ZNF654: variants seen among roughly 807,000 people sequenced by gnomAD.
ZNF654 encodes melanoma-associated antigen.
Under a neutral mutation model 95.3 loss-of-function variants are expected in ZNF654, and 19 were observed. The ratio of observed to expected loss-of-function variants is 0.20; its 90% CI spans 0.14 to 0.29. ZNF654 has a LOEUF of 0.29. ZNF654 is among the 10% of genes least tolerant of loss of function. The pLI, the probability that ZNF654 is intolerant of heterozygous loss-of-function variation, is 1.00. For synonymous variants in ZNF654, 413 were observed against 457.9 expected (o/e 0.90, Z 1.25); for missense variants, 1,046 against 1,341.0 (o/e 0.78, Z 3.44).
intron 2 of ZNF654, among the ~76,000 whole-genome samples, chr3:88,106,929 G>T (rs1251779248): frequency 2.6e-5 from 4 of 152,080 alleles, no homozygotes; most frequent in Non-Finnish European, 4.4e-5. Flanking sequence ...ACATACTATT[G>T]TGGTCTCTTT....
Position 88,135,126 on chromosome 3 carries a change from A to C in ZNF654, c.959A>C (p.Asp320Ala), listed in dbSNP as rs1178173566. Residue 320 changes from aspartate (D) to alanine (A), a missense_variant, in exon 7 of 9, where the codon GAT (aspartate) becomes GCT (alanine). Physicochemically the swap from Asp to Ala is moderately radical, Grantham distance 126. Around this residue, in one of 9 missense-constraint regions of ZNF654, gnomAD observed 121 missense variants for 141.7 expected, o/e 0.85. Coordinates refer to ENST00000636215, the MANE Select transcript of ZNF654 (RefSeq NM_001350134.2). Reference protein sequence around the residue: ...KSNPSKQVFVDQCYQLLRTAT... With the variant: ...KSNPSKQVFVAQCYQLLRTAT... ...AATCCTTCAAAACAAGTTTTTGTAGATCAATGCTACCAGCTTTTAAGAACA... is the reference window on the plus strand; with the variant it reads ...AATCCTTCAAAACAAGTTTTTGTAGCTCAATGCTACCAGCTTTTAAGAACA... 6.7e-7 allele frequency: 1 copy of C among 1,487,192 alleles called. No individual in the cohort carries two copies. The highest frequency in any genetic ancestry group is 8.9e-7 in the Non-Finnish European group (1 of 1,125,454). The allele number at this position is 1,487,192 out of a possible 1,614,324, so 92.1% of individuals were successfully genotyped here. A position where few individuals can be genotyped will look rare whatever the true frequency, so the allele number is the denominator to read the frequency against.
chr3:88,125,944 A>G (rs1451148778), intron 3 of ZNF654, among the ~76,000 whole-genome samples, 190 bp from the exon 4 acceptor site: 1 of 151,836 alleles, frequency 6.6e-6, no homozygotes, highest in Non-Finnish European at 1.5e-5. Context: ...CTGCTGTATA[A>G]CCTTTGGCAT....
chr3:88,135,071 T>G lies in ZNF654; in HGVS notation c.904T>G (p.Phe302Val), dbSNP rs1258548675. 7.0e-7 allele frequency: 1 copy of G among 1,425,540 alleles called. No homozygotes were observed. Among genetic ancestry groups the G allele is most frequent in the Admixed American group, 3.2e-5 (1 of 31,090 alleles). The allele number at this position is 1,425,540 out of a possible 1,614,324, so 88.3% of individuals were successfully genotyped here. The change falls in exon 7 of 9, where the codon TTC becomes GTC. Residue 302 changes from phenylalanine (F) to valine (V), a missense_variant. Phe to Val is a conservative substitution (Grantham distance 50). Transcript: ENST00000636215. Reference sequence around the variant, plus strand: ...TTTTCTCATTTACAGGGAGTTGATTTTCATATGGAGTAAACTACAGCTTAA... The same window carrying G: ...TTTTCTCATTTACAGGGAGTTGATTGTCATATGGAGTAAACTACAGCTTAA... Reference protein sequence around the residue: ...GDMYCIWELIFIWSKLQLKSN... With the variant: ...GDMYCIWELIVIWSKLQLKSN...
intron 1 of ZNF654, among the ~76,000 whole-genome samples, chr3:88,070,243 C>T (rs1441601727): frequency 6.6e-6 from 1 of 152,060 alleles, no homozygotes; most frequent in Non-Finnish European, 1.5e-5. Context: ...TTCTTCATAA[C>T]ATTAATTATA....
At position 88,059,287 on chromosome 3, in the gene ZNF654, AG is replaced by A. The variant is rs1559680919; in HGVS notation, c.-29del. 1 of 1,531,484 alleles carries A rather than the reference AG, an allele frequency of 6.5e-7. No individual in the cohort carries two copies. The allele number at this position is 1,531,484 out of a possible 1,614,324, so 94.9% of individuals were successfully genotyped here. On this transcript the variant is annotated 5_prime_UTR_variant, in exon 1 of 9. Transcript: ENST00000636215. The stretch of plus-strand genomic sequence containing the variant: ...GCATCTACGGCGGCGGCGGCGGCGC[AG>A]GGGCTGGTACGCGCTGGGCGGCGAG...
intron 1 of ZNF654, among the ~76,000 whole-genome samples, chr3:88,085,872 A>G (rs560416809): frequency 6.6e-6 from 1 of 152,318 alleles, no homozygotes; most frequent in East Asian, 1.9e-4. Flanking sequence ...ATAAATAATA[A>G]TGATAATAAT....
intron 2 of ZNF654, among the ~76,000 whole-genome samples, chr3:88,094,477 C>T (rs1457445979): frequency 6.6e-6 from 1 of 151,968 alleles, no homozygotes; most frequent in East Asian, 1.9e-4. Context: ...CCTGTTCCCA[C>T]CTACATTAGT....
chr3:88,096,205 G>A (rs1704048327), intron 2 of ZNF654, among the ~76,000 whole-genome samples: 1 of 152,012 alleles, frequency 6.6e-6, no homozygotes, highest in African/African-American at 2.4e-5. Context: ...TTTTAAAGGT[G>A]TTAGATGATC....
chr3:88,067,575 T>C (rs1707271662), intron 1 of ZNF654, among the ~76,000 whole-genome samples: 2 of 152,188 alleles, frequency 1.3e-5, no homozygotes, highest in African/African-American at 4.8e-5. Flanking sequence ...TTGAGAAGGA[T>C]TAAAGAGGTT....
chr3:88,106,831 G>C (rs1225134504), intron 2 of ZNF654, among the ~76,000 whole-genome samples: 1 of 151,964 alleles, frequency 6.6e-6, no homozygotes, highest in African/African-American at 2.4e-5. Flanking sequence ...TATTTGTCCT[G>C]TATAATTTTT....
intron 2 of ZNF654, chr3:88,095,474 C>G (rs1486940786): frequency 7.4e-6 from 3 of 405,002 alleles, no homozygotes; most frequent in East Asian, 7.7e-5. Context: ...ACATCAGTCT[C>G]TCTTCATAAA....
chr3:88,069,090 A>T (rs1040253568), intron 1 of ZNF654, among the ~76,000 whole-genome samples: 1 of 152,200 alleles, frequency 6.6e-6, no homozygotes, highest in African/African-American at 2.4e-5. Flanking sequence ...AAACAGAAGA[A>T]AAAAATCAAA....
At chr3:88,083,178 C>A (rs922674574) in intron 1 of ZNF654, among the ~76,000 whole-genome samples, 3 of 152,146 alleles carry the variant, frequency 2.0e-5, no homozygotes, top group Non-Finnish European at 2.9e-5. Flanking sequence ...CAAATACAGT[C>A]CCATCGGGGG....
chr3:88,090,189 G>A (rs896996181), intron 2 of ZNF654, among the ~76,000 whole-genome samples: 1 of 152,080 alleles, frequency 6.6e-6, no homozygotes, highest in South Asian at 2.1e-4. Flanking sequence ...CCACAGGCAG[G>A]TTCTTCTGAA....
At chr3:88,134,604 T>A (rs553490335) in intron 6 of ZNF654, among the ~76,000 whole-genome samples, 14 of 152,162 alleles carry the variant, frequency 9.2e-5, no homozygotes, top group Non-Finnish European at 2.1e-4. Flanking sequence ...ATCAATACTA[T>A]ACTTACAGTT....
chr3:88,126,806 A>G (rs1193781762), intron 4 of ZNF654, among the ~76,000 whole-genome samples: 1 of 152,242 alleles, frequency 6.6e-6, no homozygotes, highest in Non-Finnish European at 1.5e-5. Flanking sequence ...GTGTGAGTGA[A>G]TAAGTGACTA....
intron 1 of ZNF654, among the ~76,000 whole-genome samples, chr3:88,065,636 T>C (rs1043016218): frequency 2.6e-5 from 4 of 152,208 alleles, no homozygotes; most frequent in Non-Finnish European, 2.9e-5. Context: ...TTTTAGTTTT[T>C]TAAAAATTAA....
At chr3:88,122,016 A>G (rs1559724611) in intron 3 of ZNF654, among the ~76,000 whole-genome samples, 1 of 152,168 alleles carries the variant, frequency 6.6e-6, no homozygotes, top group African/African-American at 2.4e-5. Flanking sequence ...TTAACCACCT[A>G]AGAAGATGTC....
chr3:88,120,154 T>C (rs1705680678), intron 3 of ZNF654, among the ~76,000 whole-genome samples: 1 of 152,178 alleles, frequency 6.6e-6, no homozygotes, highest in African/African-American at 2.4e-5. Context: ...TTAAAAATTA[T>C]TAATCCAATT....
Sources: gnomAD v4.1 joint callset for allele counts (sites outside exome capture counted in the v4.1 genomes callset) on GRCh38, gnomAD v4.1.1 for gene constraint, gnomAD v4.1.1 regional missense constraint, MANE v1.5 for transcripts, NCBI Gene and HGNC (gene_info 2026-07-23, HGNC 2026-07-21) for gene names.